MYO18B: variants seen among roughly 807,000 people sequenced by gnomAD.
MYO18B encodes unconventional myosin-XVIIIb.
Under a neutral mutation model 273.0 loss-of-function variants are expected in MYO18B, and 204 were observed. The observed-to-expected ratio is 0.75, with a 90% confidence interval of 0.67 to 0.84. The LOEUF (loss-of-function observed/expected upper bound fraction) is 0.84. Ranked by LOEUF, MYO18B falls within the 40% of genes least tolerant of loss-of-function variation. MYO18B has a pLI of 0.00. For missense variants in MYO18B, 3,212 were observed against 3,287.6 expected, an observed-to-expected ratio of 0.98 and a Z score of 0.56; for synonymous variants, 1,330 against 1,305.7, an observed-to-expected ratio of 1.02 and a Z score of -0.40.
At chr22:25,997,227 C>T (rs565916538) in intron 40 of MYO18B, among the ~76,000 whole-genome samples, 33 of 132,070 alleles carry the variant, frequency 2.5e-4, no homozygotes, top group African/African-American at 9.5e-4. Context: ...ATGGCTTGAA[C>T]GAGGGAGGCA....
At position 25,789,010 on chromosome 22, in the gene MYO18B, A is replaced by G. The variant is rs1200702272; in HGVS notation, c.2376+3519A>G. 4.6e-5 allele frequency among the ~76,000 whole-genome samples: 7 copies of G among 152,152 alleles called. No individual in the cohort carries two copies. The East Asian group carries it at 7.7e-4, about 17-fold the overall frequency. On this transcript the variant is annotated intron_variant, in intron 11 of 43. Transcript: ENST00000335473. ...ACTTCGGCAGTGCCTGACACTTCCA[A>G]TGTCAGCCCTTCTTCTTCTTCTTTC...
At chr22:25,924,830 G>A (rs1465539315) in intron 34 of MYO18B, among the ~76,000 whole-genome samples, 2 of 152,206 alleles carry the variant, frequency 1.3e-5, no homozygotes, top group African/African-American at 4.8e-5. Context: ...TGGTCACCTG[G>A]GTTGGGGGAG....
chr22:25,812,805 C>T (rs537951132), intron 12 of MYO18B, among the ~76,000 whole-genome samples: 12 of 152,266 alleles, frequency 7.9e-5, no homozygotes, highest in Admixed American at 2.6e-4. Flanking sequence ...CAGCCTAAGC[C>T]GCTCTTTGAA....
chr22:25,758,440 C>T (rs1283939118), intron 1 of MYO18B, among the ~76,000 whole-genome samples: 3 of 151,074 alleles, frequency 2.0e-5, no homozygotes. Flanking sequence ...AACAGTCTAG[C>T]TGCTCATCAC....
In MYO18B at chr22:26,029,693, A is replaced by G. The variant is rs1601877008; in HGVS notation, c.*13-750A>G. Among the ~76,000 whole-genome samples the G allele has an allele frequency of 5.3e-5, 8 of 152,316 alleles. No homozygotes were observed. The South Asian group carries it at 1.5e-3, about 28-fold the overall frequency. On this transcript the variant is annotated intron_variant, in intron 43 of 43. Transcript: ENST00000335473. ...GCAACACCTCCAACGATGCAAATGCATGGTGGGCTTTGGAACCAAACAAGA... is the reference window on the plus strand; with the variant it reads ...GCAACACCTCCAACGATGCAAATGCGTGGTGGGCTTTGGAACCAAACAAGA...
chr22:25,822,027 A>G (rs2089300075), intron 12 of MYO18B, among the ~76,000 whole-genome samples: 1 of 152,180 alleles, frequency 6.6e-6, no homozygotes, highest in Non-Finnish European at 1.5e-5. Flanking sequence ...AGGTGTAAGC[A>G]TTGTCCATGG....
At chr22:26,062,517 G>C in the MYO18B span, among the ~76,000 whole-genome samples, 1 of 152,142 alleles carries the variant, frequency 6.6e-6, no homozygotes, top group Non-Finnish European at 1.5e-5. Flanking sequence ...AATATTTCCT[G>C]AGCCCCTGGA....
intron 42 of MYO18B, among the ~76,000 whole-genome samples, chr22:26,024,960 A>T (rs1219490853): frequency 6.6e-6 from 1 of 152,174 alleles, no homozygotes; most frequent in Admixed American, 6.5e-5. Flanking sequence ...ATAGATTGCC[A>T]TCTCACTGTG....
At chr22:25,908,506 G>T in intron 32 of MYO18B, 74 bp downstream of exon 32, 1 of 1,263,648 alleles carries the variant, frequency 7.9e-7, no homozygotes. Flanking sequence ...TCCTTAGAGC[G>T]AGGAGTAGGA....
chr22:25,950,244 A>AT (rs1306899260), intron 36 of MYO18B, 123 bp from the exon 37 acceptor site: 1 of 750,942 alleles, frequency 1.3e-6, no homozygotes, highest in Non-Finnish European at 2.1e-6. Context: ...AGCTATTATC[A>AT]TAGAAGCTCT....
At chr22:25,787,290 A>G (rs1282241770) in intron 11 of MYO18B, among the ~76,000 whole-genome samples, 2 of 80,576 alleles carry the variant, frequency 2.5e-5, no homozygotes, top group African/African-American at 8.9e-5. Context: ...ACACACACAC[A>G]CACACACACA....
intron 12 of MYO18B, among the ~76,000 whole-genome samples, chr22:25,809,878 C>T (rs1313996517): frequency 1.3e-5 from 2 of 151,668 alleles, no homozygotes; most frequent in Non-Finnish European, 2.9e-5. Context: ...AACACAATGA[C>T]CATATATTCA....
At chr22:25,791,140 C>G (rs1307242827) in intron 11 of MYO18B, among the ~76,000 whole-genome samples, 1 of 143,174 alleles carries the variant, frequency 7.0e-6, no homozygotes, top group African/African-American at 2.6e-5. Context: ...ATGTCTACAT[C>G]AACAGATCAT....
At chr22:26,000,612 G>A (rs1179796838) in intron 40 of MYO18B, among the ~76,000 whole-genome samples, 1 of 145,072 alleles carries the variant, frequency 6.9e-6, no homozygotes, top group African/African-American at 2.5e-5. Context: ...CTCCTGTCCC[G>A]AAGGCTTCAT....
chr22:25,745,264 C>T (rs1190343911), intron 1 of MYO18B, among the ~76,000 whole-genome samples: 5 of 152,016 alleles, frequency 3.3e-5, no homozygotes, highest in Non-Finnish European at 7.4e-5. Flanking sequence ...AGTGCACCAC[C>T]ACGCCCGGCT....
intron 22 of MYO18B, among the ~76,000 whole-genome samples, chr22:25,869,404 C>T (rs111325448): frequency 0.031 from 4,029 of 128,010 alleles, 148 homozygotes; most frequent in African/African-American, 0.098. Context: ...GAGCTGAGAT[C>T]GTGCCACTGT....
chr22:25,816,554 TCA>T (rs1174326600), intron 12 of MYO18B, among the ~76,000 whole-genome samples: 3 of 148,764 alleles, frequency 2.0e-5, no homozygotes, highest in Non-Finnish European at 4.5e-5. Flanking sequence ...CAATGTGTTC[TCA>T]TTGTTCATCT....
rs539891344 is a variant in MYO18B, at chr22:25,811,463, A to C, written c.2522-12042A>C. ...CCGCAGTACATATTGAAACCAGGAC[A>C]TCGACAGCGGTGCATTACTGTAATC... On this transcript the variant is annotated intron_variant, in intron 12 of 43. Coordinates refer to ENST00000335473, the MANE Select transcript of MYO18B (RefSeq NM_032608.7). 2.6e-5 allele frequency among the ~76,000 whole-genome samples: 4 copies of C among 152,350 alleles called. No homozygotes were observed. The South Asian group carries it at 8.3e-4, about 32-fold the overall frequency.
chr22:25,936,111 C>G (rs1241867679), intron 34 of MYO18B, among the ~76,000 whole-genome samples: 1 of 152,174 alleles, frequency 6.6e-6, no homozygotes, highest in Non-Finnish European at 1.5e-5. Context: ...AGACCTGGTG[C>G]TGTTTAGGGG....
Sources: allele counts gnomAD v4.1 joint callset (sites outside exome capture counted in the v4.1 genomes callset), GRCh38; gene constraint gnomAD v4.1.1; transcripts MANE v1.5; gene names NCBI Gene and HGNC (gene_info 2026-07-23, HGNC 2026-07-21).